The following UNC80 variants were observed in gnomAD, a reference collection of about 807,000 sequenced individuals.
UNC80 encodes the protein unc-80 subunit of NALCN channel complex.
Under a neutral mutation model 384.6 loss-of-function variants are expected in UNC80, and 164 were observed. That is an observed-to-expected ratio of 0.43 (90% CI 0.38 to 0.49). The LOEUF (loss-of-function observed/expected upper bound fraction) is 0.49. UNC80 is among the 20% of genes least tolerant of loss of function. UNC80 has a pLI of 0.00. For missense variants in UNC80, 3,330 were observed against 4,143.0 expected (o/e 0.80, Z 5.39); for synonymous variants, 1,486 against 1,527.8 (o/e 0.97, Z 0.64).
At chr2:209,959,249 T>A (rs2092513467) in intron 50 of UNC80, 95 bp downstream of exon 50, 8 of 1,396,760 alleles carry the variant, frequency 5.7e-6, no homozygotes, top group Non-Finnish European at 7.9e-6. Context: ...TTTCATTTGA[T>A]GCATAACATA....
intron 31 of UNC80, 142 bp downstream of exon 31, chr2:209,914,082 T>A: frequency 9.6e-7 from 1 of 1,039,476 alleles, no homozygotes; most frequent in Non-Finnish European, 1.3e-6. Context: ...ACTCTAGAGC[T>A]GTGTGCTATA....
chr2:209,904,635 G>A (rs2087954875), intron 28 of UNC80, 130 bp from the exon 29 acceptor site: 1 of 767,438 alleles, frequency 1.3e-6, no homozygotes, highest in Non-Finnish European at 2.2e-6. Flanking sequence ...GGGAATTATT[G>A]GACCATTGCG....
chr2:209,894,072 G>A, intron 26 of UNC80, 91 bp from the exon 27 acceptor site: 13 of 869,114 alleles, frequency 1.5e-5, no homozygotes, highest in Non-Finnish European at 1.4e-5. Context: ...AGCAGAGGAG[G>A]CTGATCAGGG....
At chr2:209,918,095 CA>C in intron 32 of UNC80, 137 bp downstream of exon 32, 1 of 817,140 alleles carries the variant, frequency 1.2e-6, no homozygotes, top group Non-Finnish European at 1.9e-6. Flanking sequence ...GTAAACCTAA[CA>C]TACATGAATG....
intron 28 of UNC80, among the ~76,000 whole-genome samples, chr2:209,897,829 C>G (rs1000220800): frequency 2.5e-4 from 38 of 152,180 alleles, no homozygotes; most frequent in Admixed American, 2.5e-3. Flanking sequence ...GAAGAAATCA[C>G]TGGCCACGCC....
intron 7 of UNC80, among the ~76,000 whole-genome samples, chr2:209,810,884 T>C (rs986029901): frequency 6.6e-6 from 1 of 152,084 alleles, no homozygotes; most frequent in Admixed American, 6.5e-5. Flanking sequence ...ATTACCCAGC[T>C]GGTAGCCAGC....
At chr2:209,902,418 G>T (rs1184320352) in intron 28 of UNC80, among the ~76,000 whole-genome samples, 1 of 152,178 alleles carries the variant, frequency 6.6e-6, no homozygotes. Context: ...CAGCAGCAGG[G>T]TTGTTGAGGG....
intron 5 of UNC80, among the ~76,000 whole-genome samples, chr2:209,787,608 A>T (rs1276592391): frequency 6.6e-6 from 1 of 152,172 alleles, no homozygotes; most frequent in East Asian, 1.9e-4. Context: ...CCTGTCACCT[A>T]GTGGTCTCGT....
At chr2:209,859,211 G>A (rs113114334) in intron 22 of UNC80, among the ~76,000 whole-genome samples, 34 of 152,054 alleles carry the variant, frequency 2.2e-4, no homozygotes, top group African/African-American at 7.7e-4. Flanking sequence ...AACAGGCCCT[G>A]GTGTGTGCTG....
Position 209,998,382 on chromosome 2 carries a change from G to A in UNC80, c.*2787G>A, listed in dbSNP as rs2093512916. The A allele has an allele frequency of 6.6e-6, 1 of 152,200 alleles. No individual in the cohort carries two copies. Among genetic ancestry groups the A allele is most frequent in the Non-Finnish European group, 1.5e-5 (1 of 68,040 alleles). The allele number at this position is 152,200 out of a possible 1,614,324, so 9.4% of individuals were successfully genotyped here. A position where few individuals can be genotyped will look rare whatever the true frequency, so the allele number is the denominator to read the frequency against. ...TTTCTGAAAAAGAAACTGAGTTATT[G>A]AGTGTATTAAGACAAGGCACTGAGA... is the stretch of plus-strand genomic sequence containing the variant. On this transcript the variant is annotated 3_prime_UTR_variant, in exon 65 of 65. Transcript: ENST00000673920.
chr2:209,881,204 A>T, intron 25 of UNC80, 110 bp downstream of exon 25: 2 of 1,258,364 alleles, frequency 1.6e-6, no homozygotes, highest in South Asian at 3.7e-5. Flanking sequence ...AGTGTATCAC[A>T]TAATTTTAAA....
intron 4 of UNC80, among the ~76,000 whole-genome samples, chr2:209,785,625 G>T (rs2077381278): frequency 6.6e-6 from 1 of 152,126 alleles, no homozygotes; most frequent in Admixed American, 6.5e-5. Flanking sequence ...AAAAAAGATG[G>T]ACTGGACAAT....
intron 21 of UNC80, among the ~76,000 whole-genome samples, chr2:209,844,468 TTTCTTTCTTTCC>T (rs1387742580): frequency 0.01 from 690 of 67,650 alleles, 5 homozygotes; most frequent in Admixed American, 0.015. Flanking sequence ...TCTTTCTTTC[TTTCTTTCTTTCC>T]TTCCTTCCTT....
At position 209,840,553 on chromosome 2, in the gene UNC80, A is replaced by C. The variant is rs2081661287; in HGVS notation, c.3262A>C (p.Lys1088Gln). ...TAACTATTAAATAGGGAACTGGCTG[A>C]AGAGATCATCCCTCTCAGGCCTGGC... The part of the protein sequence containing the change: ...KLKLPIGNWL[K>Q]RSSLSGLADG... The change falls in exon 20 of 65, where the codon AAG (lysine) becomes CAG (glutamine). Residue 1088 changes from lysine to glutamine, a missense_variant. Transcript: ENST00000673920. The C allele has an allele frequency of 3.2e-6, 5 of 1,551,724 alleles. No individual in the cohort carries two copies. In the East Asian group the frequency reaches 1.2e-4, roughly 38 times the overall value.
chr2:209,969,913 T>A (rs946327387), intron 53 of UNC80, 22 bp downstream of exon 53: 1 of 1,550,906 alleles, frequency 6.4e-7, no homozygotes, highest in South Asian at 1.2e-5. Context: ...AGTGGCAATC[T>A]TATGAAACTT....
At chr2:209,785,192 T>C (rs1452778629) in intron 4 of UNC80, among the ~76,000 whole-genome samples, 4 of 152,138 alleles carry the variant, frequency 2.6e-5, no homozygotes, top group Non-Finnish European at 1.5e-5. Flanking sequence ...AAATCACTGC[T>C]CTAAGTGAGT....
chr2:209,877,945 C>T lies in UNC80; in HGVS notation c.3841-9C>T, dbSNP rs1248791639. The T allele has an allele frequency of 6.6e-7, 1 of 1,518,192 alleles. No individual in the cohort carries two copies. 94.0% of individuals were successfully genotyped at this position (1,518,192 alleles called of 1,614,324 possible). On this transcript the variant is annotated splice_polypyrimidine_tract_variant and intron_variant, in intron 23 of 64. Coordinates refer to ENST00000673920, the MANE Select transcript of UNC80 (RefSeq NM_001371986.1). ...TTGTGCTGTTTCATTGTTTTCCTTCCCATTTTAGGCAATTGGCGTCCGATT... is the reference window on the plus strand; with the variant it reads ...TTGTGCTGTTTCATTGTTTTCCTTCTCATTTTAGGCAATTGGCGTCCGATT...
At position 209,900,225 on chromosome 2, in the gene UNC80, G is replaced by A. The variant is rs138080347; in HGVS notation, c.4581+3812G>A. 1.8e-3 allele frequency among the ~76,000 whole-genome samples: 279 copies of A among 152,058 alleles called. 1 individual carries two copies. The highest frequency in any genetic ancestry group is 5.7e-3 in the African/African-American group (238 of 41,460). On this transcript the variant is annotated intron_variant, in intron 28 of 64. Transcript: ENST00000673920. ...TACTCTACTGTGCTTTGGAGATATC[G>A]CATTTTTTACAGACTATAGGTTTGT... is the stretch of plus-strand genomic sequence containing the variant.
chr2:209,978,484 T>G (rs765742275), intron 58 of UNC80, 45 bp from the exon 59 acceptor site: 8 of 1,447,212 alleles, frequency 5.5e-6, no homozygotes, highest in Middle Eastern at 1.8e-4. Flanking sequence ...AGTGGACATT[T>G]AAGATTCTCA....
Sources: allele counts gnomAD v4.1 joint callset (sites outside exome capture counted in the v4.1 genomes callset), GRCh38; gene constraint gnomAD v4.1.1; transcripts MANE v1.5; gene names NCBI Gene and HGNC (gene_info 2026-07-23, HGNC 2026-07-21).